The following WNT10A variants were observed in gnomAD, a reference collection of about 807,000 sequenced individuals.
WNT10A encodes the protein Wnt family member 10A, also known as protein Wnt-10a.
A neutral mutation model predicts 36.1 loss-of-function variants in WNT10A; 37 were observed. The observed-to-expected ratio is 1.02, with a 90% CI of 0.79 to 1.35. The LOEUF is 1.35. WNT10A is among the 40% of genes most tolerant of loss of function. WNT10A has a pLI of 0.00. For missense variants in WNT10A, 613 were observed against 601.4 expected, an observed-to-expected ratio of 1.02 and a Z score of -0.20; for synonymous variants, 255 against 254.1, an observed-to-expected ratio of 1.00 and a Z score of -0.03.
intron 2 of WNT10A, among the ~76,000 whole-genome samples, chr2:218,885,874 C>G (rs2044746440): frequency 6.6e-6 from 1 of 152,226 alleles, no homozygotes; most frequent in Non-Finnish European, 1.5e-5. Flanking sequence ...AATTAGCCAA[C>G]ACATACTAAG....
At position 218,890,293 on chromosome 2, in the gene WNT10A, T is replaced by G. The variant is rs1274904666; in HGVS notation, c.686T>G (p.Leu229Arg). ...GGGGAGCGCTTTTCTAAGGACTTTC[T>G]GGACTCCCGGGAGCCTCACAGAGAC... ...GFGERFSKDF[L>R]DSREPHRDIH... Residue 229 changes from leucine (L) to arginine (R), a missense_variant, in exon 3 of 4, where the codon CTG becomes CGG. Physicochemically the swap from Leu to Arg is moderately radical, Grantham distance 102. Transcript: ENST00000258411. 2 of 1,607,110 alleles carry G rather than the reference T, an allele frequency of 1.2e-6. No homozygotes were observed. The highest frequency in any genetic ancestry group is 4.5e-5 in the East Asian group (2 of 44,874).
the WNT10A span, among the ~76,000 whole-genome samples, chr2:218,875,580 A>G: frequency 6.6e-6 from 1 of 152,296 alleles, no homozygotes. Flanking sequence ...ACATAGCATC[A>G]CTGTAACTGT....
upstream of WNT10A, among the ~76,000 whole-genome samples, chr2:218,876,836 C>T (rs916391961): frequency 6.6e-6 from 1 of 152,176 alleles, no homozygotes; most frequent in East Asian, 1.9e-4. Flanking sequence ...TAACAGGGAG[C>T]GACAGACAGG....
At position 218,881,193 on chromosome 2, in the gene WNT10A, G is replaced by T. The variant is rs190906289; in HGVS notation, c.113+85G>T. 301 of 1,534,668 alleles carry T rather than the reference G, an allele frequency of 2.0e-4. No homozygotes were observed. In the African/African-American group the frequency reaches 3.8e-3, roughly 20 times the overall value. On this transcript the variant is annotated intron_variant, in intron 1 of 3. Coordinates refer to ENST00000258411, the MANE Select transcript of WNT10A (RefSeq NM_025216.3). The stretch of plus-strand genomic sequence containing the variant: ...CTCTGATGCTCTTGCTGGGGTAGAG[G>T]ACCCTGGAAGAAGGGAGGGACAGGG...
In WNT10A at chr2:218,893,024, T is replaced by A; in HGVS notation, c.1007T>A (p.Leu336Gln). ...GPRRRASPAD[L>Q]VYFEKSPDFC... ...CGCCGACGGGCCAGCCCCGCCGACCTGGTCTACTTCGAAAAGTCTCCCGAC... is the reference window on the plus strand; with the variant it reads ...CGCCGACGGGCCAGCCCCGCCGACCAGGTCTACTTCGAAAAGTCTCCCGAC... Residue 336 changes from leucine to glutamine, a missense_variant, in exon 4 of 4, where the codon CTG becomes CAG. Leu to Gln is a moderately radical substitution (Grantham distance 113). Coordinates refer to ENST00000258411, the MANE Select transcript of WNT10A (RefSeq NM_025216.3). This position sits in a 1 kb window ranked among gnomAD's most constrained non-coding sequence, Gnocchi z 6.3. The A allele has an allele frequency of 6.3e-7, 1 of 1,592,192 alleles. No individual in the cohort carries two copies. The highest frequency in any genetic ancestry group is 8.5e-7 in the Non-Finnish European group (1 of 1,177,522).
chr2:218,885,994 A>C (rs1450245036), intron 2 of WNT10A, among the ~76,000 whole-genome samples: 1 of 152,224 alleles, frequency 6.6e-6, no homozygotes, highest in Non-Finnish European at 1.5e-5. Flanking sequence ...AATGAAGCTA[A>C]GAGAAGCTGG....
At chr2:218,889,040 C>T (rs1407879154) in intron 2 of WNT10A, among the ~76,000 whole-genome samples, 1 of 152,208 alleles carries the variant, frequency 6.6e-6, no homozygotes, top group South Asian at 2.1e-4. Context: ...GCAGTGTACA[C>T]TGCACCCAAT....
rs1278842223 is a variant in WNT10A, at chr2:218,890,250, A to G, written c.643A>G (p.Ser215Gly). 2 of 1,613,550 alleles carry G rather than the reference A, an allele frequency of 1.2e-6. No homozygotes were observed. The highest frequency in any genetic ancestry group is 2.2e-5 in the East Asian group (1 of 44,878). Residue 215 changes from serine (S) to glycine (G), a missense_variant, in exon 3 of 4, where the codon AGC becomes GGC. Ser to Gly is a moderately conservative substitution (Grantham distance 56, BLOSUM62 0). Transcript: ENST00000258411. The part of the protein sequence containing the change: ...LQDSWEWGGC[S>G]PDMGFGERFS... ...GGACTCCTGGGAGTGGGGCGGCTGC[A>G]GCCCCGACATGGGCTTCGGGGAGCG...
chr2:218,890,039 C>T lies in WNT10A; in HGVS notation c.432C>T (p.Ala144=), dbSNP rs773640896. ...YAIAAAGVVH[A]VSNACALGKL... ...TCGCAGCAGCTGGCGTGGTGCACGC[C>T]GTGTCCAATGCGTGTGCCCTGGGCA... Residue 144 remains alanine (A), a synonymous_variant, in exon 3 of 4, where the codon GCC becomes GCT. Transcript: ENST00000258411. The T allele has an allele frequency of 1.5e-5, 25 of 1,613,972 alleles. No homozygotes were observed. The highest frequency in any genetic ancestry group is 8.9e-5 in the East Asian group (4 of 44,890).
At position 218,893,238 on chromosome 2, in the gene WNT10A, C is replaced by A. The variant is rs1944679304; in HGVS notation, c.1221C>A (p.Cys407Ter). The part of the protein sequence containing the change: ...HWCCFVVCEE[C>*]RITEWVSVCK ...GCTGTTTCGTGGTCTGCGAAGAGTG[C>A]CGCATCACCGAGTGGGTCAGCGTCT... Residue 407 changes from cysteine (C) to a stop codon, truncating the protein, a stop_gained, in exon 4 of 4, where the codon TGC (cysteine) becomes TGA (stop). Coordinates refer to ENST00000258411, the MANE Select transcript of WNT10A (RefSeq NM_025216.3). LOFTEE classifies it high-confidence loss of function. The surrounding 1 kb of genome is among the most constrained non-coding windows in gnomAD (Gnocchi z 6.3). The A allele has an allele frequency of 1.9e-6, 3 of 1,561,954 alleles. No homozygotes were observed. The African/African-American group carries it at 4.0e-5, about 21-fold the overall frequency.
upstream of WNT10A, among the ~76,000 whole-genome samples, chr2:218,880,035 C>T (rs550574611): frequency 1.5e-3 from 227 of 152,254 alleles, no homozygotes; most frequent in Non-Finnish European, 2.8e-3. This position sits in a 1 kb window ranked among gnomAD's most constrained non-coding sequence, Gnocchi z 7.7. Context: ...GAGCAGGAGG[C>T]ACCTGTTTAA....
chr2:218,893,107 A>C lies in WNT10A; in HGVS notation c.1090A>C (p.Lys364Gln), dbSNP rs1944676793. ...SAGTVGRLCNKSSAGSDGCGS... is the reference protein window; with the variant it reads ...SAGTVGRLCNQSSAGSDGCGS... ...GGGCACCGTGGGCCGCCTGTGCAAC[A>C]AGAGCAGCGCCGGCTCGGATGGCTG... Residue 364 changes from lysine to glutamine, a missense_variant, in exon 4 of 4, where the codon AAG becomes CAG. Physicochemically the swap from Lys to Gln is moderately conservative, Grantham distance 53 (BLOSUM62 1). Coordinates refer to ENST00000258411, the MANE Select transcript of WNT10A (RefSeq NM_025216.3). The surrounding 1 kb of genome is among the most constrained non-coding windows in gnomAD (Gnocchi z 6.3). The C allele has an allele frequency of 1.3e-6, 2 of 1,596,398 alleles. No individual in the cohort carries two copies. The highest frequency in any genetic ancestry group is 1.7e-5 in the Admixed American group (1 of 59,910).
intron 3 of WNT10A, among the ~76,000 whole-genome samples, chr2:218,891,168 C>A (rs1944645778): frequency 6.6e-6 from 1 of 152,170 alleles, no homozygotes; most frequent in Non-Finnish European, 1.5e-5. Flanking sequence ...GAAGCTTGCC[C>A]AAAATGATGC....
upstream of WNT10A, among the ~76,000 whole-genome samples, chr2:218,879,306 G>T (rs568397588): frequency 6.6e-6 from 1 of 152,354 alleles, no homozygotes; most frequent in East Asian, 1.9e-4. Context: ...GAGCCCAGAG[G>T]CTCCCATAGT....
intron 2 of WNT10A, chr2:218,883,841 C>G (rs1449145632): frequency 6.6e-6 from 1 of 152,460 alleles, no homozygotes; most frequent in African/African-American, 2.4e-5. Flanking sequence ...CCTGTCCCGC[C>G]GCCTGCGCGC....
intron 3 of WNT10A, among the ~76,000 whole-genome samples, chr2:218,891,267 C>T (rs895971813): frequency 6.6e-6 from 1 of 152,234 alleles, no homozygotes; most frequent in African/African-American, 2.4e-5. Context: ...GTTGAGTCCA[C>T]ATTCTGATGC....
In WNT10A at chr2:218,882,195, C is replaced by A. The variant is rs745898676; in HGVS notation, c.148C>A (p.Pro50Thr). The stretch of plus-strand genomic sequence containing the variant: ...CAATGACATTCTGGACCTCCGCCTC[C>A]CCCCGGAGCCCGTGCTCAATGCCAA... ...APNDILDLRL[P>T]PEPVLNANTV... Residue 50 changes from proline to threonine, a missense_variant, in exon 2 of 4, where the codon CCC (proline) becomes ACC (threonine). Physicochemically the swap from Pro to Thr is conservative, Grantham distance 38. Transcript: ENST00000258411. The A allele has an allele frequency of 1.9e-6, 3 of 1,614,004 alleles. No homozygotes were observed. Among genetic ancestry groups the A allele is most frequent in the Non-Finnish European group, 2.5e-6 (3 of 1,180,016 alleles).
rs1944681589 is a variant in WNT10A, at chr2:218,893,410, C to G, written c.*139C>G. ...ACCACATGATCTTATAGGAACCCCT[C>G]AGCTCTGAGGTCTGTGATCGCCGGA... On this transcript the variant is annotated 3_prime_UTR_variant, in exon 4 of 4. Transcript: ENST00000258411. The surrounding 1 kb of genome is among the most constrained non-coding windows in gnomAD (Gnocchi z 6.3). 15 of 1,259,636 alleles carry G rather than the reference C, an allele frequency of 1.2e-5. No homozygotes were observed. The South Asian group carries it at 2.1e-4, about 18-fold the overall frequency. The allele number at this position is 1,259,636 out of a possible 1,614,324, so 78.0% of individuals were successfully genotyped here. A position where few individuals can be genotyped will look rare whatever the true frequency, so the allele number is the denominator to read the frequency against.
At chr2:218,891,672 G>C (rs906639536) in intron 3 of WNT10A, among the ~76,000 whole-genome samples, 43 of 152,222 alleles carry the variant, frequency 2.8e-4, no homozygotes, top group Non-Finnish European at 1.2e-4. Flanking sequence ...GTGGGAAGCA[G>C]ATGTTCTGGA....
Sources: gnomAD v4.1 joint callset for allele counts (sites outside exome capture counted in the v4.1 genomes callset) on GRCh38, gnomAD v4.1.1 for gene constraint, Gnocchi (gnomAD v3.1) non-coding constraint, MANE v1.5 for transcripts, NCBI Gene and HGNC (gene_info 2026-07-23, HGNC 2026-07-21) for gene names.